XIAP: variants seen among roughly 807,000 people sequenced by gnomAD.
The protein encoded by XIAP is E3 ubiquitin-protein ligase XIAP.
In XIAP, 3 loss-of-function variants were observed where a neutral mutation model predicts 33.1. The ratio of observed to expected loss-of-function variants is 0.09; its 90% CI spans 0.04 to 0.23. The LOEUF (loss-of-function observed/expected upper bound fraction) is 0.23, where lower values mean the gene tolerates loss of function less well. Among genes scored for constraint, XIAP ranks in the 10% least tolerant of loss-of-function variants. The probability of loss-of-function intolerance (pLI) is 1.00; values close to 1 mark genes in which losing one functional copy is unlikely to be tolerated. For synonymous variants in XIAP, 98 were observed against 121.3 expected, an observed-to-expected ratio of 0.81 and a Z score of 1.26; for missense variants, 264 against 363.0, an observed-to-expected ratio of 0.73 and a Z score of 2.22.
At chrX:123,879,475 C>G (rs2053278021) in intron 1 of XIAP, among the ~76,000 whole-genome samples, 1 of 107,742 alleles carries the variant, frequency 9.3e-6, no homozygotes, top group Non-Finnish European at 1.9e-5. Context: ...CGCCACCATC[C>G]CAGCTAATTT....
chrX:123,904,942 T>G (rs1393784844), intron 6 of XIAP, among the ~76,000 whole-genome samples: 3 of 112,040 alleles, frequency 2.7e-5, no homozygotes, highest in Non-Finnish European at 5.6e-5. Flanking sequence ...AGCATTTTGC[T>G]TTTTACACTA....
chrX:123,890,684 G>A (rs1163711845), intron 3 of XIAP, among the ~76,000 whole-genome samples: 1 of 104,328 alleles, frequency 9.6e-6, no homozygotes, highest in African/African-American at 3.5e-5. Flanking sequence ...GCTTACGCCT[G>A]TAATCCCAGC....
Position 123,911,903 on chromosome X carries a change from CT to C in XIAP, c.*4725del. 1 of 328,712 alleles carries C rather than the reference CT, an allele frequency of 3.0e-6. No individual in the cohort carries two copies. The highest frequency in any genetic ancestry group is 3.1e-5 in the Admixed American group (1 of 32,119). The allele number at this position is 328,712 out of a possible 1,213,427, so 27.1% of individuals were successfully genotyped here. ...AAGTGACCTTAGAGAGTATCCAGTT[CT>C]TTCATTTTACAGGTGAGGCAACTGA... is the stretch of plus-strand genomic sequence containing the variant. On this transcript the variant is annotated 3_prime_UTR_variant, in exon 7 of 7. Coordinates refer to ENST00000371199, the MANE Select transcript of XIAP (RefSeq NM_001167.4).
chrX:123,864,767 C>CGTGTGTGT (rs752421505), intron 1 of XIAP, among the ~76,000 whole-genome samples: 47 of 52,654 alleles, frequency 8.9e-4, no homozygotes, highest in East Asian at 2.8e-3. Flanking sequence ...GTCGCATTCT[C>CGTGTGTGT]GTGTGTGTGT....
At chrX:123,898,976 C>T (rs1409112833) in intron 5 of XIAP, among the ~76,000 whole-genome samples, 1 of 102,271 alleles carries the variant, frequency 9.8e-6, no homozygotes, top group Non-Finnish European at 2.0e-5. Flanking sequence ...AAAAAATTAG[C>T]CAGGCGTGGT....
At position 123,886,222 on chromosome X, in the gene XIAP, C is replaced by T; in HGVS notation, c.560C>T (p.Ala187Val). The T allele has an allele frequency of 8.3e-7, 1 of 1,211,985 alleles. No individual in the cohort carries two copies. The highest frequency in any genetic ancestry group is 1.1e-6 in the Non-Finnish European group (1 of 895,552). ...CTAACCCCAAGAGAGTTAGCAAGTG[C>T]TGGACTCTACTACACAGGTATTGGT... Reference protein sequence around the residue: ...AHLTPRELASAGLYYTGIGDQ... With the variant: ...AHLTPRELASVGLYYTGIGDQ... The change falls in exon 2 of 7, where the codon GCT becomes GTT. Residue 187 changes from alanine to valine, a missense_variant. Coordinates refer to ENST00000371199, the MANE Select transcript of XIAP (RefSeq NM_001167.4).
intron 1 of XIAP, chrX:123,878,716 A>G (rs1046651361): frequency 2.7e-5 from 3 of 112,474 alleles, no homozygotes; most frequent in Non-Finnish European, 5.6e-5. Context: ...TCGAGACTCA[A>G]GAATGAGTTT....
rs1232627613 is a variant in XIAP at position 123,900,397 on chromosome X, A to AT, written c.1100-90dup. 1.8e-5 allele frequency: 14 copies of AT among 792,768 alleles called. No homozygotes were observed. The East Asian group carries it at 4.5e-4, about 25-fold the overall frequency. The allele number at this position is 792,768 out of a possible 1,213,427, so 65.3% of individuals were successfully genotyped here. A position where few individuals can be genotyped will look rare whatever the true frequency, so the allele number is the denominator to read the frequency against. ...TTTTTATTCTTTCGCTTGCTCCTTA[A>AT]TTTTTTCATTTTAACTATATTTTGC... On this transcript the variant is annotated intron_variant, in intron 5 of 6. Transcript: ENST00000371199.
intron 6 of XIAP, among the ~76,000 whole-genome samples, chrX:123,901,348 A>G (rs963082215): frequency 4.5e-5 from 5 of 111,200 alleles, no homozygotes; most frequent in South Asian, 3.7e-4. Flanking sequence ...TCATGCCACT[A>G]CACTTCGGCC....
At position 123,885,822 on chromosome X, in the gene XIAP, T is replaced by C; in HGVS notation, c.160T>C (p.Tyr54His). ...ASTLARAGFL[Y>H]TGEGDTVRCF... ...AACACTGGCACGAGCAGGGTTTCTT[T>C]ATACTGGTGAAGGAGATACCGTGCG... Residue 54 changes from tyrosine to histidine, a missense_variant, in exon 2 of 7, where the codon TAT (tyrosine) becomes CAT (histidine). Coordinates refer to ENST00000371199, the MANE Select transcript of XIAP (RefSeq NM_001167.4). 8 of 1,212,106 alleles carry C rather than the reference T, an allele frequency of 6.6e-6. No homozygotes were observed. The highest frequency in any genetic ancestry group is 8.9e-6 in the Non-Finnish European group (8 of 895,625).
At chrX:123,874,843 T>A (rs1033478099) in intron 1 of XIAP, among the ~76,000 whole-genome samples, 3 of 103,470 alleles carry the variant, frequency 2.9e-5, no homozygotes, top group Non-Finnish European at 5.9e-5. Context: ...TACAGGTGTG[T>A]GCCACCACCC....
intron 1 of XIAP, chrX:123,860,603 G>A: frequency 4.1e-6 from 1 of 245,411 alleles, no homozygotes; most frequent in South Asian, 4.0e-5. Flanking sequence ...TCCTCCCCAT[G>A]TGATAACCTG....
intron 1 of XIAP, among the ~76,000 whole-genome samples, chrX:123,864,635 AGTGTGTGT>A (rs748255094): frequency 0.14 from 11,435 of 84,478 alleles, 746 homozygotes; most frequent in East Asian, 0.29. Flanking sequence ...CCCGGCTTAG[AGTGTGTGT>A]GTGTGTGTGT....
At chrX:123,901,978 A>G (rs1293571344) in intron 6 of XIAP, among the ~76,000 whole-genome samples, 1 of 111,890 alleles carries the variant, frequency 8.9e-6, no homozygotes, top group Non-Finnish European at 1.9e-5. Context: ...AATTACAGGC[A>G]TGTGCCACCA....
chrX:123,884,092 C>G (rs1036018250), intron 1 of XIAP, among the ~76,000 whole-genome samples: 1 of 112,222 alleles, frequency 8.9e-6, no homozygotes, highest in African/African-American at 3.2e-5. Flanking sequence ...AAGTCCATTG[C>G]CAGCTTGCTT....
Position 123,912,239 on chromosome X carries a change from TAAA to T in XIAP, c.*5068_*5070del. On this transcript the variant is annotated 3_prime_UTR_variant, in exon 7 of 7. Transcript: ENST00000371199. ...GAGAAAAAAAAAAAAGACCACACAATAAAAAAAAAAAATACAAAATAATACAAA... is the reference window on the plus strand; with the variant it reads ...GAGAAAAAAAAAAAAGACCACACAATAAAAAAAAATACAAAATAATACAAA... 1 of 203,685 alleles carries T rather than the reference TAAA, an allele frequency of 4.9e-6. No individual in the cohort carries two copies. The highest frequency in any genetic ancestry group is 6.5e-5 in the Admixed American group (1 of 15,424). The allele number at this position is 203,685 out of a possible 1,213,427, so 16.8% of individuals were successfully genotyped here.
intron 1 of XIAP, chrX:123,872,942 ACT>A (rs1236163952): frequency 9.1e-6 from 1 of 110,046 alleles, no homozygotes; most frequent in Non-Finnish European, 1.9e-5. Flanking sequence ...CTCACTGCAG[ACT>A]CTGCTTCCCA....
At chrX:123,872,280 A>C (rs2053201028) in intron 1 of XIAP, among the ~76,000 whole-genome samples, 1 of 109,617 alleles carries the variant, frequency 9.1e-6, no homozygotes, top group African/African-American at 3.3e-5. Context: ...AACTCCAAAG[A>C]TAGATATCAC....
chrX:123,907,414 TAAG>T lies in XIAP; in HGVS notation c.*236_*238del, dbSNP rs2053563408. ...CTGTTATTTAATTGAAACCATAGAC[TAAG>T]AATAAGAAGCATCATACTATAACTG... On this transcript the variant is annotated 3_prime_UTR_variant, in exon 7 of 7. Coordinates refer to ENST00000371199, the MANE Select transcript of XIAP (RefSeq NM_001167.4). 2.2e-6 allele frequency: 1 copy of T among 464,260 alleles called. No homozygotes were observed. The allele number at this position is 464,260 out of a possible 1,213,427, so 38.3% of individuals were successfully genotyped here.
Sources: allele counts gnomAD v4.1 joint callset (sites outside exome capture counted in the v4.1 genomes callset), GRCh38; gene constraint gnomAD v4.1.1; transcripts MANE v1.5; gene names NCBI Gene and HGNC (gene_info 2026-07-23, HGNC 2026-07-21).